Variants in PTPRK observed in about 807,000 individuals in gnomAD.
PTPRK encodes the protein receptor-type tyrosine-protein phosphatase kappa.
In PTPRK, 75 loss-of-function variants were observed where a neutral mutation model predicts 178.0. The observed-to-expected ratio is 0.42, with a 90% CI of 0.35 to 0.51. The LOEUF (loss-of-function observed/expected upper bound fraction) is 0.51, where lower values mean the gene tolerates loss of function less well. Ranked by LOEUF, PTPRK falls within the 20% of genes least tolerant of loss-of-function variation. PTPRK has a pLI of 0.02. For synonymous variants in PTPRK, 637 were observed against 620.6 expected (o/e 1.03, Z -0.39); for missense variants, 1,441 against 1,797.8 (o/e 0.80, Z 3.59).
chr6:128,112,238 C>G lies in PTPRK; in HGVS notation c.1163-22246G>C, dbSNP rs536973244. On this transcript the variant is annotated intron_variant, in intron 7 of 29. Coordinates refer to ENST00000368226, the MANE Select transcript of PTPRK (RefSeq NM_002844.4). Reference sequence around the variant, plus strand: ...ATTTTAATGACACTAGCATTTACTTCAGTACTTAGTTTGAATCACACTGCA... The same window carrying G: ...ATTTTAATGACACTAGCATTTACTTGAGTACTTAGTTTGAATCACACTGCA... Among the ~76,000 whole-genome samples the G allele has an allele frequency of 3.3e-5, 5 of 152,072 alleles. No homozygotes were observed. In the South Asian group the frequency reaches 1.0e-3, roughly 32 times the overall value.
At position 128,095,095 on chromosome 6, in the gene PTPRK, T is replaced by TA. The variant is rs369436620; in HGVS notation, c.1163-5104dup. On this transcript the variant is annotated intron_variant, in intron 7 of 29. Transcript: ENST00000368226. Reference sequence around the variant, plus strand: ...TCTAGTGTCTGCCCCATTTTTCAGATAAAAAAAAAAAGAATTGAATGAAAG... The same window carrying TA: ...TCTAGTGTCTGCCCCATTTTTCAGATAAAAAAAAAAAAGAATTGAATGAAAG... Among the ~76,000 whole-genome samples, 593 of 134,480 alleles carry TA rather than the reference T, an allele frequency of 4.4e-3. 2 individuals carry two copies. Among genetic ancestry groups the TA allele is most frequent in the African/African-American group, 0.014 (502 of 36,494 alleles). The allele number at this position is 134,480 out of a possible 152,430, so 88.2% of individuals were successfully genotyped here.
At chr6:128,433,673 A>G (rs1475730176) in intron 1 of PTPRK, among the ~76,000 whole-genome samples, 1 of 151,660 alleles carries the variant, frequency 6.6e-6, no homozygotes, top group African/African-American at 2.4e-5. Flanking sequence ...ACACCATCAC[A>G]CCAGGTTAAT....
intron 13 of PTPRK, among the ~76,000 whole-genome samples, chr6:128,061,784 CT>C (rs1358372725): frequency 6.6e-6 from 1 of 152,064 alleles, no homozygotes; most frequent in African/African-American, 2.4e-5. Context: ...ACTCCAGAGA[CT>C]CCTCTATAAT....
chr6:128,101,311 T>C (rs1162397349), intron 7 of PTPRK, among the ~76,000 whole-genome samples: 1 of 152,080 alleles, frequency 6.6e-6, no homozygotes, highest in Non-Finnish European at 1.5e-5. Flanking sequence ...GATGCTAATA[T>C]AATGTTTAAA....
chr6:128,136,059 T>C (rs1044091032), intron 7 of PTPRK, among the ~76,000 whole-genome samples: 2 of 152,262 alleles, frequency 1.3e-5, no homozygotes, highest in East Asian at 1.9e-4. Flanking sequence ...CCTATTCCAG[T>C]ATCTCTGGTG....
chr6:128,342,286 T>A (rs921745192), intron 2 of PTPRK, among the ~76,000 whole-genome samples: 6 of 151,760 alleles, frequency 4.0e-5, no homozygotes, highest in Admixed American at 6.6e-5. Context: ...GAAGAGAAAA[T>A]AGATCCTAGG....
chr6:127,984,956 C>T (rs748773310), intron 22 of PTPRK, among the ~76,000 whole-genome samples: 2 of 152,026 alleles, frequency 1.3e-5, no homozygotes, highest in Non-Finnish European at 2.9e-5. Context: ...TTATTTAAAT[C>T]CTGAATAGGT....
chr6:128,428,383 T>C (rs1242469552), intron 1 of PTPRK, among the ~76,000 whole-genome samples: 1 of 152,218 alleles, frequency 6.6e-6, no homozygotes, highest in Non-Finnish European at 1.5e-5. Flanking sequence ...CCTATCGTTA[T>C]CTATTCTTTC....
At chr6:128,281,913 G>C (rs1027357957) in intron 3 of PTPRK, among the ~76,000 whole-genome samples, 7 of 152,118 alleles carry the variant, frequency 4.6e-5, no homozygotes, top group Non-Finnish European at 1.0e-4. Context: ...AGCAGCTGCA[G>C]TTTTTGACAT....
intron 2 of PTPRK, among the ~76,000 whole-genome samples, chr6:128,363,493 C>T (rs1835053225): frequency 6.6e-6 from 1 of 152,122 alleles, no homozygotes; most frequent in Admixed American, 6.6e-5. Flanking sequence ...GACTTGAATA[C>T]CTTTCAAAAT....
intron 3 of PTPRK, among the ~76,000 whole-genome samples, chr6:128,294,601 G>A (rs562360135): frequency 9.9e-5 from 15 of 152,150 alleles, no homozygotes; most frequent in Non-Finnish European, 1.5e-4. Context: ...TTTGGGAAAA[G>A]ATACAAAGTT....
intron 8 of PTPRK, chr6:128,084,795 T>G (rs1260540722): frequency 6.6e-6 from 1 of 152,232 alleles, no homozygotes; most frequent in South Asian, 2.1e-4. Context: ...TTAAAATATA[T>G]AGTATCTATC....
intron 27 of PTPRK, among the ~76,000 whole-genome samples, chr6:127,975,506 C>G (rs756730671): frequency 1.3e-4 from 20 of 152,148 alleles, no homozygotes; most frequent in Non-Finnish European, 2.5e-4. Flanking sequence ...ATGAGAGACA[C>G]TGAAACATGA....
At chr6:128,023,094 G>A (rs1582557712) in intron 13 of PTPRK, among the ~76,000 whole-genome samples, 1 of 152,210 alleles carries the variant, frequency 6.6e-6, no homozygotes, top group East Asian at 1.9e-4. Context: ...GAGCAGCCAA[G>A]AAAAATGGGG....
chr6:128,464,628 T>TACAC (rs1849524997), intron 1 of PTPRK, among the ~76,000 whole-genome samples: 5 of 71,158 alleles, frequency 7.0e-5, no homozygotes, highest in Admixed American at 1.6e-4. Flanking sequence ...TACATATATA[T>TACAC]ATATATACAC....
intron 1 of PTPRK, among the ~76,000 whole-genome samples, chr6:128,435,050 A>AAGGCAGGAAGGC (rs1161219547): frequency 3.6e-4 from 13 of 36,546 alleles, no homozygotes; most frequent in Non-Finnish European, 5.7e-4. Context: ...GGAAGGCAGG[A>AAGGCAGGAAGGC]AGGAAGGAAG....
intron 15 of PTPRK, chr6:128,003,210 C>CGGTACAAGT (rs772223951): frequency 6.2e-7 from 1 of 1,604,416 alleles, no homozygotes; most frequent in Non-Finnish European, 8.5e-7. Flanking sequence ...ACACAGCAGT[C>CGGTACAAGT]GGTACAAGTG....
At chr6:128,250,621 C>G (rs1816313972) in intron 3 of PTPRK, among the ~76,000 whole-genome samples, 1 of 152,144 alleles carries the variant, frequency 6.6e-6, no homozygotes, top group Non-Finnish European at 1.5e-5. Flanking sequence ...TGAGAAAGTT[C>G]TAGATAATTT....
At chr6:128,393,275 G>C (rs920164959) in intron 2 of PTPRK, among the ~76,000 whole-genome samples, 3 of 151,948 alleles carry the variant, frequency 2.0e-5, no homozygotes, top group Admixed American at 6.6e-5. Flanking sequence ...ATTTTTAGTA[G>C]AGACGGGGTT....
Sources: gnomAD v4.1 joint callset for allele counts (sites outside exome capture counted in the v4.1 genomes callset) on GRCh38, gnomAD v4.1.1 for gene constraint, MANE v1.5 for transcripts, NCBI Gene and HGNC (gene_info 2026-07-23, HGNC 2026-07-21) for gene names.